The following EML5 variants were observed in gnomAD, a reference collection of about 807,000 sequenced individuals.
The protein encoded by EML5 is EMAP like 5.
EML5 carries 120 observed loss-of-function variants against 250.0 expected under a neutral mutation model. The observed-to-expected ratio is 0.48, with a 90% CI of 0.41 to 0.56. The LOEUF (loss-of-function observed/expected upper bound fraction) is 0.56. EML5 is among the 20% of genes least tolerant of loss of function. The pLI, the probability that EML5 is intolerant of heterozygous loss-of-function variation, is 0.00. For missense variants in EML5, 2,006 were observed against 2,437.6 expected (o/e 0.82, Z 3.73); for synonymous variants, 771 against 806.5 (o/e 0.96, Z 0.75).
At chr14:88,721,178 T>C (rs532753569) in intron 8 of EML5, among the ~76,000 whole-genome samples, 1 of 152,168 alleles carries the variant, frequency 6.6e-6, no homozygotes, top group East Asian at 1.9e-4. Flanking sequence ...ATCATGAAAA[T>C]TGCCATCCTG....
intron 8 of EML5, among the ~76,000 whole-genome samples, chr14:88,718,237 C>A (rs2093533440): frequency 1.3e-5 from 2 of 152,164 alleles, no homozygotes; most frequent in African/African-American, 4.8e-5. Context: ...AAATAAGTAA[C>A]TGGATATGCA....
intron 30 of EML5, among the ~76,000 whole-genome samples, chr14:88,643,323 C>T (rs1309453872): frequency 6.6e-6 from 1 of 152,098 alleles, no homozygotes; most frequent in African/African-American, 2.4e-5. Context: ...CACTGAGGTA[C>T]AGTTGGCCTT....
At chr14:88,776,398 A>G (rs938143300) in intron 1 of EML5, among the ~76,000 whole-genome samples, 3 of 152,188 alleles carry the variant, frequency 2.0e-5, no homozygotes, top group Admixed American at 6.5e-5. Context: ...CAATTCTGTC[A>G]GATAAATTTA....
At chr14:88,678,565 T>C (rs1467839929) in intron 21 of EML5, among the ~76,000 whole-genome samples, 10 of 152,210 alleles carry the variant, frequency 6.6e-5, no homozygotes, top group Non-Finnish European at 1.0e-4. Flanking sequence ...ATTGTACTCA[T>C]TATAGTACTA....
At chr14:88,638,662 T>C in intron 32 of EML5, 147 bp downstream of exon 32, 1 of 668,718 alleles carries the variant, frequency 1.5e-6, no homozygotes, top group Non-Finnish European at 2.5e-6. Context: ...AAGCAAATAA[T>C]ATGGTATAAT....
chr14:88,732,382 G>A (rs1415083598), intron 7 of EML5, among the ~76,000 whole-genome samples: 1 of 152,156 alleles, frequency 6.6e-6, no homozygotes, highest in Non-Finnish European at 1.5e-5. Context: ...TTGTAGATGT[G>A]TGGTATTATT....
intron 32 of EML5, among the ~76,000 whole-genome samples, chr14:88,635,948 C>T (rs2090701353): frequency 6.6e-6 from 1 of 152,148 alleles, no homozygotes; most frequent in South Asian, 2.1e-4. Context: ...ACAACTTGAC[C>T]ATGCTGGCAC....
At chr14:88,756,631 C>T (rs554918431) in intron 1 of EML5, among the ~76,000 whole-genome samples, 23 of 152,214 alleles carry the variant, frequency 1.5e-4, no homozygotes, top group African/African-American at 5.3e-4. Flanking sequence ...AATATGAATT[C>T]AGCAAGGTTG....
At chr14:88,701,482 T>C (rs762625841) in intron 14 of EML5, among the ~76,000 whole-genome samples, 7 of 152,092 alleles carry the variant, frequency 4.6e-5, no homozygotes, top group African/African-American at 9.6e-5. Context: ...TCTTGGTACA[T>C]AGAATGTGCT....
At chr14:88,735,529 T>C (rs555607815) in intron 7 of EML5, among the ~76,000 whole-genome samples, 102 of 152,306 alleles carry the variant, frequency 6.7e-4, no homozygotes, top group South Asian at 3.9e-3. Flanking sequence ...CCTTTTGGGA[T>C]TATAATTAGT....
rs1481905408 is a variant in EML5, at chr14:88,657,517, T to C, written c.3878-15A>G. 2.5e-6 allele frequency: 4 copies of C among 1,582,436 alleles called. No individual in the cohort carries two copies. Among genetic ancestry groups the C allele is most frequent in the Non-Finnish European group, 3.4e-6 (4 of 1,165,960 alleles). On this transcript the variant is annotated splice_polypyrimidine_tract_variant and intron_variant, in intron 26 of 43. Coordinates refer to ENST00000554922, the MANE Select transcript of EML5 (RefSeq NM_183387.3). ...ACTGTCATAGCCTACAATAAAAATA[T>C]ACGAGTAATTCTTTAAGCAATAACT...
rs924514298 is a variant in EML5 at position 88,618,220 on chromosome 14, G to A, written c.5642+8C>T. On this transcript the variant is annotated splice_region_variant and intron_variant, in intron 41 of 43. Coordinates refer to ENST00000554922, the MANE Select transcript of EML5 (RefSeq NM_183387.3). ...CAGTTCTTGCCTTGTGAATATATAA[G>A]TATTTACCTAGTCCATGTAGCCCAA... The A allele has an allele frequency of 1.1e-5, 18 of 1,611,700 alleles. No homozygotes were observed. Among genetic ancestry groups the A allele is most frequent in the Non-Finnish European group, 1.5e-5 (18 of 1,178,260 alleles).
chr14:88,681,171 T>C (rs1478552622), intron 21 of EML5, among the ~76,000 whole-genome samples: 1 of 151,950 alleles, frequency 6.6e-6, no homozygotes, highest in East Asian at 1.9e-4. Context: ...AAAAAACAGA[T>C]GGGAATGAAC....
Position 88,738,916 on chromosome 14 carries a change from A to G in EML5, c.810T>C (p.Thr270=), listed in dbSNP as rs993812116. 1 of 1,588,380 alleles carries G rather than the reference A, an allele frequency of 6.3e-7. No homozygotes were observed. Among genetic ancestry groups the G allele is most frequent in the Admixed American group, 1.8e-5 (1 of 56,400 alleles). Residue 270 remains threonine (T), a synonymous_variant, in exon 6 of 44, where the codon ACT becomes ACC. Transcript: ENST00000554922. ...RLWDLTFKPI[T]VIDLRETDQG... is the part of the protein sequence containing the mutation. ...GGTCTGTTTCCCTGAGATCAATCAC[A>G]GTAATTGGTTTAAAAGTTAAATCCC... is the stretch of plus-strand genomic sequence containing the variant.
At chr14:88,789,247 T>C (rs1286727165) in intron 1 of EML5, among the ~76,000 whole-genome samples, 4 of 152,112 alleles carry the variant, frequency 2.6e-5, no homozygotes, top group Admixed American at 1.3e-4. Flanking sequence ...AGATTTTATA[T>C]TGATAGAATA....
At chr14:88,775,770 G>A (rs2094441285) in intron 1 of EML5, among the ~76,000 whole-genome samples, 1 of 152,184 alleles carries the variant, frequency 6.6e-6, no homozygotes, top group Non-Finnish European at 1.5e-5. Context: ...AACATAGGCA[G>A]TAACCAGGGA....
chr14:88,735,402 T>C (rs1004412842), intron 7 of EML5, among the ~76,000 whole-genome samples: 2 of 152,038 alleles, frequency 1.3e-5, no homozygotes, highest in Non-Finnish European at 2.9e-5. Context: ...TAACAGAAAA[T>C]AGGCAAACAG....
intron 1 of EML5, among the ~76,000 whole-genome samples, chr14:88,759,698 A>AAAAAAAAAAAAAAAAAAAAAAAAC (rs758968634): frequency 2.0e-4 from 29 of 142,190 alleles, no homozygotes; most frequent in African/African-American, 5.4e-4. Context: ...AAAAAAAAAA[A>AAAAAAAAAAAAAAAAAAAAAAAAC]AAAAAACTGG....
At chr14:88,674,545 C>T (rs981538819) in intron 21 of EML5, among the ~76,000 whole-genome samples, 1 of 152,140 alleles carries the variant, frequency 6.6e-6, no homozygotes, top group Non-Finnish European at 1.5e-5. Context: ...GATTCAATTA[C>T]CTCCCACCAA....
Sources: allele counts gnomAD v4.1 joint callset (sites outside exome capture counted in the v4.1 genomes callset), GRCh38; gene constraint gnomAD v4.1.1; transcripts MANE v1.5; gene names NCBI Gene and HGNC (gene_info 2026-07-23, HGNC 2026-07-21).